Variants in JAKMIP3 observed in about 807,000 individuals in gnomAD.
JAKMIP3 encodes the protein Janus kinase and microtubule interacting protein 3.
A neutral mutation model predicts 118.5 loss-of-function variants in JAKMIP3; 58 were observed. That is an observed-to-expected ratio of 0.49 (90% CI 0.40 to 0.61). The LOEUF (loss-of-function observed/expected upper bound fraction) is 0.61, where lower values mean the gene tolerates loss of function less well. Among genes scored for constraint, JAKMIP3 ranks in the 20% least tolerant of loss-of-function variants. The pLI is 0.00. For missense variants in JAKMIP3, 950 were observed against 1,109.0 expected, an observed-to-expected ratio of 0.86 and a Z score of 2.04; for synonymous variants, 486 against 451.2, an observed-to-expected ratio of 1.08 and a Z score of -0.98.
chr10:132,143,028 C>T (rs1006547109), intron 11 of JAKMIP3, among the ~76,000 whole-genome samples: 1 of 152,124 alleles, frequency 6.6e-6, no homozygotes, highest in Non-Finnish European at 1.5e-5. Flanking sequence ...CCACCCAGAC[C>T]GCCCTGGTGA....
intron 3 of JAKMIP3, among the ~76,000 whole-genome samples, chr10:132,126,355 T>A (rs2049549273): frequency 1.3e-5 from 2 of 150,964 alleles, no homozygotes; most frequent in African/African-American, 4.9e-5. Context: ...CAGGCTGGAG[T>A]GCAGTGGTAA....
At chr10:132,180,596 T>C (rs1439006060) in intron 23 of JAKMIP3, among the ~76,000 whole-genome samples, 1,648 of 24,282 alleles carry the variant, frequency 0.068, 345 homozygotes, top group Admixed American at 0.11. Flanking sequence ...CGTGTGTGTG[T>C]GCGTGCGCGT....
rs191034689 is a variant in JAKMIP3 at position 132,179,880 on chromosome 10, C to T, written c.*1104-2477C>T. 5.0e-3 allele frequency among the ~76,000 whole-genome samples: 756 copies of T among 152,298 alleles called. 9 individuals are homozygous for T. The highest frequency in any genetic ancestry group is 7.9e-3 in the Non-Finnish European group (539 of 68,022). ...CAGCCTGGAGAGGCCTGTGAGCAGA[C>T]TTCCTGTGCTCTCTCCCCTCCCATG... On this transcript the variant is annotated intron_variant, in intron 23 of 23. Transcript: ENST00000684848. This position sits in a 1 kb window ranked among gnomAD's most constrained non-coding sequence, Gnocchi z 4.3.
chr10:132,078,622 G>A (rs932808585), intron 1 of JAKMIP3, among the ~76,000 whole-genome samples: 1 of 43,756 alleles, frequency 2.3e-5, no homozygotes, highest in African/African-American at 2.5e-4. Flanking sequence ...CTGGGGGCGG[G>A]GGGGGGGGGG....
chr10:132,039,784 G>T (rs7084312), intron 1 of JAKMIP3, among the ~76,000 whole-genome samples: 1 of 152,246 alleles, frequency 6.6e-6, no homozygotes, highest in Non-Finnish European at 1.5e-5. Flanking sequence ...GCCTCCAGCC[G>T]CTGTATTGAC....
chr10:132,126,565 A>G (rs1211393831), intron 3 of JAKMIP3, among the ~76,000 whole-genome samples: 2 of 100,378 alleles, frequency 2.0e-5, no homozygotes, highest in Non-Finnish European at 4.2e-5. Flanking sequence ...CTGTGATTAC[A>G]GGTGTGAGCC....
intron 1 of JAKMIP3, among the ~76,000 whole-genome samples, chr10:132,056,788 CA>C (rs1176616557): frequency 3.3e-5 from 5 of 152,216 alleles, no homozygotes; most frequent in African/African-American, 1.2e-4. Context: ...TGCTGAATGC[CA>C]GGGGCATCGC....
chr10:132,111,529 G>C (rs1223771470), intron 2 of JAKMIP3, among the ~76,000 whole-genome samples: 1 of 152,110 alleles, frequency 6.6e-6, no homozygotes, highest in Non-Finnish European at 1.5e-5. Context: ...ATGGGCCCCG[G>C]GGGCCATGCG....
At chr10:132,147,327 C>G (rs1205487654) in intron 13 of JAKMIP3, among the ~76,000 whole-genome samples, 1 of 152,194 alleles carries the variant, frequency 6.6e-6, no homozygotes, top group African/African-American at 2.4e-5. Context: ...GGCCCCTGCC[C>G]TCATGAGGCT....
intron 2 of JAKMIP3, among the ~76,000 whole-genome samples, chr10:132,107,731 C>T (rs1423826863): frequency 1.3e-5 from 2 of 152,340 alleles, no homozygotes; most frequent in East Asian, 3.9e-4. Flanking sequence ...GCAGCTGGCA[C>T]AAGCTCGTCC....
At position 132,145,644 on chromosome 10, in the gene JAKMIP3, T is replaced by C. The variant is rs371553533; in HGVS notation, c.1749+64T>C. ...TCTATGCTCCTGGGGGTTGCAGTGG[T>C]CCCTGCGGGGCTGAAGGATGGAGCG... On this transcript the variant is annotated intron_variant, in intron 13 of 23. Coordinates refer to ENST00000684848, the MANE Select transcript of JAKMIP3 (RefSeq NM_001323087.2). 2.9e-6 allele frequency: 4 copies of C among 1,373,478 alleles called. No homozygotes were observed. The African/African-American group carries it at 5.8e-5, about 20-fold the overall frequency. 85.1% of individuals were successfully genotyped at this position (1,373,478 alleles called of 1,614,324 possible).
At chr10:132,075,769 C>A (rs2040690608) in intron 1 of JAKMIP3, among the ~76,000 whole-genome samples, 1 of 152,128 alleles carries the variant, frequency 6.6e-6, no homozygotes, top group South Asian at 2.1e-4. Context: ...TGTTCATAAT[C>A]TCTTATCCTT....
In JAKMIP3 at chr10:132,117,217, G is replaced by A. The variant is rs2047821404; in HGVS notation, c.276G>A (p.Glu92=). The A allele has an allele frequency of 1.2e-6, 2 of 1,614,028 alleles. No individual in the cohort carries two copies. The part of the protein sequence containing the change: ...EKMKELQAVR[E]TLLRQHEAEL... The stretch of plus-strand genomic sequence containing the variant: ...TGAAGGAGCTACAGGCTGTGCGTGA[G>A]ACGCTGCTGCGGCAGCATGAGGCTG... The change falls in exon 3 of 24, where the codon GAG becomes GAA. Residue 92 remains glutamate (E), a synonymous_variant. Coordinates refer to ENST00000684848, the MANE Select transcript of JAKMIP3 (RefSeq NM_001323087.2). The surrounding 1 kb of genome is among the most constrained non-coding windows in gnomAD (Gnocchi z 8.6).
intron 1 of JAKMIP3, among the ~76,000 whole-genome samples, chr10:132,092,830 G>A (rs1187957643): frequency 7.2e-5 from 11 of 152,228 alleles, no homozygotes; most frequent in Admixed American, 7.2e-4. Flanking sequence ...TTCCTTTGGA[G>A]GGGGAGAGGC....
At chr10:132,107,565 C>T (rs193161330) in intron 2 of JAKMIP3, among the ~76,000 whole-genome samples, 10 of 152,350 alleles carry the variant, frequency 6.6e-5, no homozygotes, top group South Asian at 2.1e-4. Flanking sequence ...TCATCCTGGA[C>T]GCCCTCGCCA....
chr10:132,040,140 T>C (rs2037681352), intron 1 of JAKMIP3, among the ~76,000 whole-genome samples: 1 of 152,086 alleles, frequency 6.6e-6, no homozygotes, highest in Admixed American at 6.5e-5. Flanking sequence ...CTTTGGGAGC[T>C]GACGGGGTGA....
At chr10:132,096,699 T>G (rs2043911993) in intron 1 of JAKMIP3, among the ~76,000 whole-genome samples, 1 of 152,198 alleles carries the variant, frequency 6.6e-6, no homozygotes, top group Non-Finnish European at 1.5e-5. Context: ...GGACATACTT[T>G]TCCCTGCTCC....
intron 19 of JAKMIP3, among the ~76,000 whole-genome samples, chr10:132,156,313 G>A (rs550329550): frequency 6.6e-6 from 1 of 152,268 alleles, no homozygotes; most frequent in South Asian, 2.1e-4. Context: ...TTGCTGGCAT[G>A]GACAGGTTCC....
chr10:132,100,633 C>T (rs182627310), intron 1 of JAKMIP3, among the ~76,000 whole-genome samples: 25 of 152,310 alleles, frequency 1.6e-4, no homozygotes, highest in South Asian at 6.2e-4. Flanking sequence ...CTATGAGCTC[C>T]GTCACCTGCC....
Sources: allele counts gnomAD v4.1 joint callset (sites outside exome capture counted in the v4.1 genomes callset), GRCh38; gene constraint gnomAD v4.1.1; non-coding constraint Gnocchi (gnomAD v3.1); transcripts MANE v1.5; gene names NCBI Gene and HGNC (gene_info 2026-07-23, HGNC 2026-07-21).